PSMA1: variants seen among roughly 807,000 people sequenced by gnomAD.
PSMA1 encodes proteasome 20S subunit alpha 1, also known as proteasome subunit alpha type-1.
A neutral mutation model predicts 38.4 loss-of-function variants in PSMA1; 3 were observed. The ratio of observed to expected loss-of-function variants is 0.08; its 90% confidence interval spans 0.04 to 0.20. The LOEUF is 0.20. PSMA1 is among the 10% of genes least tolerant of loss of function. PSMA1 has a pLI of 1.00. For missense variants in PSMA1, 227 were observed against 325.3 expected (o/e 0.70, Z 2.32); for synonymous variants, 101 against 107.1 (o/e 0.94, Z 0.35).
intron 2 of PSMA1, among the ~76,000 whole-genome samples, chr11:14,573,151 T>C (rs1298841602): frequency 6.6e-6 from 1 of 152,220 alleles, no homozygotes; most frequent in African/African-American, 2.4e-5. Flanking sequence ...GAATCCTCCC[T>C]AACTCATTTT....
intron 2 of PSMA1, among the ~76,000 whole-genome samples, chr11:14,608,222 G>A (rs1216245593): frequency 6.6e-6 from 1 of 152,070 alleles, no homozygotes; most frequent in Non-Finnish European, 1.5e-5. Context: ...TTGCTGGCAT[G>A]TGCCTGTAGT....
In PSMA1 at chr11:14,571,298, C is replaced by T. The variant is rs549622252; in HGVS notation, c.21+39668G>A. Reference sequence around the variant, plus strand: ...CAGGATGGTCTTGATCTCCTGACCCCGTGATCTGCCCGCCTTGGCCTCCCA... The same window carrying T: ...CAGGATGGTCTTGATCTCCTGACCCTGTGATCTGCCCGCCTTGGCCTCCCA... On this transcript the variant is annotated intron_variant, in intron 2 of 10. Transcript: ENST00000418988. Among the ~76,000 whole-genome samples, 32 of 152,270 alleles carry T rather than the reference C, an allele frequency of 2.1e-4. No homozygotes were observed. The South Asian group carries it at 6.0e-3, about 29-fold the overall frequency.
intron 2 of PSMA1, among the ~76,000 whole-genome samples, chr11:14,596,412 T>C (rs1852494380): frequency 6.6e-6 from 1 of 152,242 alleles, no homozygotes. Flanking sequence ...TGTCCTCTTT[T>C]ATTTCCTTGA....
chr11:14,560,960 A>G (rs754519909), intron 2 of PSMA1, among the ~76,000 whole-genome samples: 9 of 152,256 alleles, frequency 5.9e-5, no homozygotes, highest in Non-Finnish European at 1.2e-4. Context: ...AGCATAAAAT[A>G]TATGAAAGGA....
chr11:14,525,288 A>C (rs1205701040), upstream of PSMA1, among the ~76,000 whole-genome samples: 1 of 151,878 alleles, frequency 6.6e-6, no homozygotes, highest in Admixed American at 6.6e-5. Flanking sequence ...CCTTATTGCC[A>C]CCTTTTGCCC....
intron 2 of PSMA1, among the ~76,000 whole-genome samples, chr11:14,533,571 T>G (rs1009300834): frequency 2.6e-5 from 3 of 114,144 alleles, no homozygotes; most frequent in African/African-American, 9.9e-5. Context: ...TTTTTTTCTT[T>G]TTTCTTTTCT....
At chr11:14,519,325 TC>T (rs1851486734) in intron 1 of PSMA1, 1 of 464,116 alleles carries the variant, frequency 2.2e-6, no homozygotes, top group Non-Finnish European at 4.1e-6. Context: ...AAGTTCACAA[TC>T]AACTTTCTTG....
At chr11:14,561,038 A>T (rs752241648) in intron 2 of PSMA1, among the ~76,000 whole-genome samples, 3 of 152,250 alleles carry the variant, frequency 2.0e-5, no homozygotes, top group Non-Finnish European at 4.4e-5. Context: ...CTTTTCATGT[A>T]TATGAATATT....
chr11:14,605,371 CT>C (rs1221936997), intron 2 of PSMA1, among the ~76,000 whole-genome samples: 2 of 152,000 alleles, frequency 1.3e-5, no homozygotes, highest in Admixed American at 6.6e-5. Flanking sequence ...CTGTTCATGT[CT>C]TTTTTGTCCA....
rs1165375410 is a variant in PSMA1 at position 14,532,985 on chromosome 11, G to GT, written c.22-13945dup. On this transcript the variant is annotated intron_variant, in intron 2 of 10. Transcript: ENST00000418988. ...TGTACTAGGTAGTGAAACTTACTGT[G>GT]TTTTTTCCCCTTCAATACTATCCAT... Among the ~76,000 whole-genome samples, 4 of 152,284 alleles carry GT rather than the reference G, an allele frequency of 2.6e-5. No homozygotes were observed. The East Asian group carries it at 7.7e-4, about 29-fold the overall frequency.
At chr11:14,513,313 T>C (rs1185904207) in intron 7 of PSMA1, 2 of 302,156 alleles carry the variant, frequency 6.6e-6, no homozygotes, top group African/African-American at 4.3e-5. Context: ...TCTGACCAAA[T>C]GAATCAAGAA....
chr11:14,512,839 A>T (rs1249509874), intron 7 of PSMA1, among the ~76,000 whole-genome samples: 1 of 152,252 alleles, frequency 6.6e-6, no homozygotes, highest in Non-Finnish European at 1.5e-5. Flanking sequence ...CAAACCATTT[A>T]CCATAATTTA....
chr11:14,638,460 C>G (rs1853137919), intron 1 of PSMA1, among the ~76,000 whole-genome samples: 1 of 141,166 alleles, frequency 7.1e-6, no homozygotes, highest in Non-Finnish European at 1.5e-5. Context: ...GCTCCTCTTG[C>G]AAAACTGCAT....
chr11:14,577,183 T>C (rs934013099), intron 2 of PSMA1, among the ~76,000 whole-genome samples: 3 of 152,236 alleles, frequency 2.0e-5, no homozygotes, highest in Admixed American at 6.5e-5. Context: ...GAAATCAGTA[T>C]GTTATTTACT....
intron 2 of PSMA1, among the ~76,000 whole-genome samples, chr11:14,597,873 C>G (rs1852521314): frequency 6.6e-6 from 1 of 152,126 alleles, no homozygotes; most frequent in African/African-American, 2.4e-5. Flanking sequence ...CCTGCTGTCT[C>G]TTGTGGGCAT....
At chr11:14,508,110 T>C (rs1183635700) in intron 8 of PSMA1, among the ~76,000 whole-genome samples, 1 of 152,174 alleles carries the variant, frequency 6.6e-6, no homozygotes, top group Admixed American at 6.5e-5. Context: ...AACTGACTAA[T>C]CTCACTTTAT....
chr11:14,601,509 G>A (rs2134194006), intron 2 of PSMA1, among the ~76,000 whole-genome samples: 1 of 152,226 alleles, frequency 6.6e-6, no homozygotes, highest in South Asian at 2.1e-4. Context: ...GATATGGCCT[G>A]GAGAAGATGT....
At chr11:14,591,103 C>T (rs909336009) in intron 2 of PSMA1, among the ~76,000 whole-genome samples, 7 of 152,296 alleles carry the variant, frequency 4.6e-5, no homozygotes, top group African/African-American at 7.2e-5. Flanking sequence ...GCAGCGCTTG[C>T]GGGCCAGCTG....
At chr11:14,612,481 TATC>T (rs1406993690) in intron 1 of PSMA1, among the ~76,000 whole-genome samples, 1 of 152,056 alleles carries the variant, frequency 6.6e-6, no homozygotes, top group African/African-American at 2.4e-5. Flanking sequence ...GACATTTAAT[TATC>T]ATATAAGCAG....
Sources: gnomAD v4.1 joint callset for allele counts (sites outside exome capture counted in the v4.1 genomes callset) on GRCh38, gnomAD v4.1.1 for gene constraint, MANE v1.5 for transcripts, NCBI Gene and HGNC (gene_info 2026-07-23, HGNC 2026-07-21) for gene names.